The following HS6ST3 variants were observed in gnomAD, a reference collection of about 807,000 sequenced individuals.
HS6ST3 encodes heparan sulfate 6-O-sulfotransferase 3.
Under a neutral mutation model 36.7 loss-of-function variants are expected in HS6ST3, and 12 were observed. The ratio of observed to expected loss-of-function variants is 0.33; its 90% CI spans 0.21 to 0.53. HS6ST3 has a LOEUF of 0.53. Ranked by LOEUF, HS6ST3 falls within the 20% of genes least tolerant of loss-of-function variation. The pLI is 0.95. For missense variants in HS6ST3, 584 were observed against 640.9 expected (o/e 0.91, Z 0.96); for synonymous variants, 240 against 257.5 (o/e 0.93, Z 0.65).
chr13:96,623,761 GCC>G (rs2056503106), intron 1 of HS6ST3, among the ~76,000 whole-genome samples: 2 of 152,186 alleles, frequency 1.3e-5, no homozygotes, highest in South Asian at 4.1e-4. Flanking sequence ...TATACAGGGT[GCC>G]CGGGTGAGAG....
At chr13:96,315,523 G>GA (rs907463463) in intron 1 of HS6ST3, among the ~76,000 whole-genome samples, 81 of 149,052 alleles carry the variant, frequency 5.4e-4, no homozygotes, top group African/African-American at 1.5e-3. Context: ...GACTAAAAAT[G>GA]AAAAAAAAAC....
At chr13:96,517,108 G>A (rs1403027431) in intron 1 of HS6ST3, among the ~76,000 whole-genome samples, 1 of 152,170 alleles carries the variant, frequency 6.6e-6, no homozygotes, top group Non-Finnish European at 1.5e-5. Context: ...GCCAGGCGCA[G>A]TGGCTCATGC....
intron 1 of HS6ST3, among the ~76,000 whole-genome samples, chr13:96,606,804 TAAAAG>T (rs571129547): frequency 1.9e-4 from 29 of 150,852 alleles, no homozygotes; most frequent in African/African-American, 4.4e-4. Flanking sequence ...AGAACAGAAA[TAAAAG>T]AAAAGTTAAA....
In HS6ST3 at chr13:96,709,074, C is replaced by T. The variant is rs562047682; in HGVS notation, c.708-123416C>T. Among the ~76,000 whole-genome samples, 241 of 152,106 alleles carry T rather than the reference C, an allele frequency of 1.6e-3. 4 individuals are homozygous for T. The highest frequency in any genetic ancestry group is 2.1e-3 in the Non-Finnish European group (140 of 68,018). On this transcript the variant is annotated intron_variant, in intron 1 of 1. Coordinates refer to ENST00000376705, the MANE Select transcript of HS6ST3 (RefSeq NM_153456.4). ...GAAACCTGGTAGGAGGTGATTGGCT[C>T]ATGGGGGCAGTTTCTCCCACGCTGT... is the stretch of plus-strand genomic sequence containing the variant.
intron 1 of HS6ST3, among the ~76,000 whole-genome samples, chr13:96,099,651 C>T (rs1052062082): frequency 6.6e-6 from 1 of 152,134 alleles, no homozygotes; most frequent in Non-Finnish European, 1.5e-5. Flanking sequence ...AGTACTGTGT[C>T]ATTTGTTTTC....
At chr13:96,805,945 TG>T (rs1446796295) in intron 1 of HS6ST3, among the ~76,000 whole-genome samples, 2 of 152,330 alleles carry the variant, frequency 1.3e-5, no homozygotes, top group Admixed American at 6.5e-5. Context: ...AGGACTCTAA[TG>T]CTCTGGCTTA....
chr13:96,214,790 G>A (rs1288899883), intron 1 of HS6ST3, among the ~76,000 whole-genome samples: 1 of 151,998 alleles, frequency 6.6e-6, no homozygotes, highest in Non-Finnish European at 1.5e-5. Context: ...CAGAAATCAA[G>A]CAGTTTATTA....
At chr13:96,299,081 G>T (rs918216859) in intron 1 of HS6ST3, among the ~76,000 whole-genome samples, 1 of 152,050 alleles carries the variant, frequency 6.6e-6, no homozygotes, top group Non-Finnish European at 1.5e-5. Flanking sequence ...CTGTTTCTTT[G>T]GGCTATTTCT....
At chr13:96,393,784 G>A (rs930370144) in intron 1 of HS6ST3, among the ~76,000 whole-genome samples, 4 of 152,218 alleles carry the variant, frequency 2.6e-5, no homozygotes, top group South Asian at 2.1e-4. Flanking sequence ...ATAGTCTCTT[G>A]TCATTCCTTA....
chr13:96,175,649 T>C (rs12872687), intron 1 of HS6ST3, among the ~76,000 whole-genome samples: 2 of 151,592 alleles, frequency 1.3e-5, no homozygotes, highest in South Asian at 4.2e-4. Flanking sequence ...TTATGTTTTG[T>C]GTAATTACTT....
At chr13:96,398,295 T>C (rs1045356823) in intron 1 of HS6ST3, among the ~76,000 whole-genome samples, 9 of 152,200 alleles carry the variant, frequency 5.9e-5, no homozygotes, top group African/African-American at 2.2e-4. Flanking sequence ...TTATTTTTAT[T>C]TTTTTGAGAC....
intron 1 of HS6ST3, among the ~76,000 whole-genome samples, chr13:96,830,422 A>G (rs1289711182): frequency 2.6e-5 from 4 of 152,240 alleles, no homozygotes; most frequent in African/African-American, 9.6e-5. Flanking sequence ...TAACACAGAT[A>G]TTTGAAAAAC....
Position 96,794,330 on chromosome 13 carries a change from A to G in HS6ST3, c.708-38160A>G, listed in dbSNP as rs191324627. On this transcript the variant is annotated intron_variant, in intron 1 of 1. Transcript: ENST00000376705. ...TATATGCAAAACACATCTGATAAGTATTCCTCTGTGCAGGTTAGAATTTTA... is the reference window on the plus strand; with the variant it reads ...TATATGCAAAACACATCTGATAAGTGTTCCTCTGTGCAGGTTAGAATTTTA... 5.3e-5 allele frequency among the ~76,000 whole-genome samples: 8 copies of G among 152,226 alleles called. 1 individual carries two copies. Among genetic ancestry groups the G allele is most frequent in the Admixed American group, 4.6e-4 (7 of 15,266 alleles).
At chr13:96,580,193 C>CATATAT (rs3051282) in intron 1 of HS6ST3, among the ~76,000 whole-genome samples, 54 of 140,524 alleles carry the variant, frequency 3.8e-4, no homozygotes, top group East Asian at 2.6e-3. Flanking sequence ...CCCATCCAGA[C>CATATAT]ATATATATAT....
chr13:96,624,095 C>T (rs967316122), intron 1 of HS6ST3, among the ~76,000 whole-genome samples: 1 of 151,952 alleles, frequency 6.6e-6, no homozygotes, highest in African/African-American at 2.4e-5. Context: ...GTGAAACATA[C>T]AAAACATAAA....
chr13:96,338,639 G>A (rs1415403182), intron 1 of HS6ST3, among the ~76,000 whole-genome samples: 1 of 152,106 alleles, frequency 6.6e-6, no homozygotes, highest in African/African-American at 2.4e-5. Flanking sequence ...TGGGGTTTTG[G>A]GTTACGGAAT....
In HS6ST3 at chr13:96,536,654, G is replaced by A. The variant is rs2056156516; in HGVS notation, c.708-295836G>A. 4.6e-5 allele frequency among the ~76,000 whole-genome samples: 7 copies of A among 152,280 alleles called. No individual in the cohort carries two copies. The South Asian group carries it at 1.4e-3, about 32-fold the overall frequency. ...ATACTGGCTTTAGTTGGCCCAGAAA[G>A]GTGGAAAACTGTGTCCTCAAGGGAC... On this transcript the variant is annotated intron_variant, in intron 1 of 1. Coordinates refer to ENST00000376705, the MANE Select transcript of HS6ST3 (RefSeq NM_153456.4).
intron 1 of HS6ST3, among the ~76,000 whole-genome samples, chr13:96,755,150 C>G (rs1380916042): frequency 6.6e-6 from 1 of 152,008 alleles, no homozygotes; most frequent in African/African-American, 2.4e-5. Flanking sequence ...TTTTTGTACT[C>G]ATTTCTGGTC....
intron 1 of HS6ST3, among the ~76,000 whole-genome samples, chr13:96,481,117 C>T (rs1003995909): frequency 1.3e-5 from 2 of 152,064 alleles, no homozygotes; most frequent in South Asian, 2.1e-4. Context: ...TAATAATTTT[C>T]GAGATCTGAA....
Sources: allele counts gnomAD v4.1 joint callset (sites outside exome capture counted in the v4.1 genomes callset), GRCh38; gene constraint gnomAD v4.1.1; transcripts MANE v1.5; gene names NCBI Gene and HGNC (gene_info 2026-07-23, HGNC 2026-07-21).